The following GPC3 variants were observed in gnomAD, a reference collection of about 807,000 sequenced individuals.
GPC3 encodes the protein glypican-3.
Under a neutral mutation model 34.4 loss-of-function variants are expected in GPC3, and 3 were observed. That is an observed-to-expected ratio of 0.09 (90% confidence interval 0.04 to 0.23). GPC3 has a LOEUF of 0.23. Ranked by LOEUF, GPC3 falls within the 10% of genes least tolerant of loss-of-function variation. The probability of loss-of-function intolerance (pLI) is 1.00; values close to 1 mark genes in which losing one functional copy is unlikely to be tolerated. For missense variants in GPC3, 351 were observed against 445.6 expected (o/e 0.79, Z 1.91); for synonymous variants, 177 against 174.0 (o/e 1.02, Z -0.13).
intron 3 of GPC3, among the ~76,000 whole-genome samples, chrX:133,745,368 A>G (rs1478277491): frequency 8.9e-6 from 1 of 112,049 alleles, no homozygotes; most frequent in East Asian, 2.8e-4. Context: ...ACAATGCTTC[A>G]CCCTAGAAGT....
At chrX:133,807,557 G>A (rs1301761726) in intron 2 of GPC3, among the ~76,000 whole-genome samples, 1 of 111,739 alleles carries the variant, frequency 8.9e-6, no homozygotes. Context: ...TCTAGAGGGT[G>A]AGTTTGCCAA....
chrX:133,784,454 G>T (rs979583128), intron 2 of GPC3, among the ~76,000 whole-genome samples: 5 of 110,942 alleles, frequency 4.5e-5, no homozygotes, highest in African/African-American at 6.6e-5. Flanking sequence ...TGGAATCTAG[G>T]AGCCCATACT....
At chrX:133,802,853 A>G (rs1182077544) in intron 2 of GPC3, among the ~76,000 whole-genome samples, 1 of 109,984 alleles carries the variant, frequency 9.1e-6, no homozygotes, top group Non-Finnish European at 1.9e-5. Flanking sequence ...AGAGAGAATG[A>G]GAGAATGAGT....
At chrX:133,917,358 A>G (rs2051617320) in intron 2 of GPC3, among the ~76,000 whole-genome samples, 1 of 112,158 alleles carries the variant, frequency 8.9e-6, no homozygotes, top group Admixed American at 9.5e-5. Context: ...TCCTTGTATC[A>G]TATGTAAATT....
chrX:133,838,190 C>A (rs1484349869), intron 2 of GPC3, among the ~76,000 whole-genome samples: 2 of 112,639 alleles, frequency 1.8e-5, no homozygotes, highest in African/African-American at 3.2e-5. Flanking sequence ...AAAGTAACCC[C>A]ATTTTTCATT....
At chrX:133,624,318 C>T (rs2070271398) in intron 6 of GPC3, among the ~76,000 whole-genome samples, 1 of 111,531 alleles carries the variant, frequency 9.0e-6, no homozygotes, top group Non-Finnish European at 1.9e-5. Flanking sequence ...CAGAGCAGAA[C>T]TGAAGGAGAT....
intron 2 of GPC3, among the ~76,000 whole-genome samples, chrX:133,773,015 T>C (rs1046753493): frequency 2.7e-5 from 3 of 111,388 alleles, no homozygotes; most frequent in African/African-American, 9.8e-5. Flanking sequence ...TCACTGTTAC[T>C]GAAATTTCAC....
intron 2 of GPC3, among the ~76,000 whole-genome samples, chrX:133,795,486 T>C (rs766422549): frequency 9.0e-6 from 1 of 111,462 alleles, no homozygotes; most frequent in South Asian, 3.9e-4. Flanking sequence ...CAAGAGAAAA[T>C]TTCCAGCTTC....
chrX:133,857,215 C>T (rs1023452138), intron 2 of GPC3, among the ~76,000 whole-genome samples: 2 of 111,494 alleles, frequency 1.8e-5, no homozygotes, highest in African/African-American at 6.5e-5. Flanking sequence ...TTCTCTGGAT[C>T]CTTTTTCCTC....
intron 3 of GPC3, among the ~76,000 whole-genome samples, chrX:133,739,427 T>C (rs2071543029): frequency 8.9e-6 from 1 of 112,288 alleles, no homozygotes; most frequent in Non-Finnish European, 1.9e-5. Context: ...GTAGGCATTG[T>C]TGCAAAATTT....
At chrX:133,814,065 A>G (rs1168130640) in intron 2 of GPC3, among the ~76,000 whole-genome samples, 1 of 111,940 alleles carries the variant, frequency 8.9e-6, no homozygotes, top group East Asian at 2.8e-4. Context: ...GCAGGCTATT[A>G]GGGAAAATAG....
intron 2 of GPC3, among the ~76,000 whole-genome samples, chrX:133,797,501 T>C (rs1042584802): frequency 9.0e-6 from 1 of 110,942 alleles, no homozygotes; most frequent in African/African-American, 3.3e-5. Context: ...CCTTAAAGAC[T>C]AGGGGACAAG....
At chrX:133,560,700 C>T (rs148418989) in intron 7 of GPC3, among the ~76,000 whole-genome samples, 1,079 of 105,505 alleles carry the variant, frequency 0.01, 13 homozygotes, top group African/African-American at 0.035. Flanking sequence ...GATCATGCCA[C>T]TGCACTCCAA....
chrX:133,813,011 T>C (rs1230288133), intron 2 of GPC3, among the ~76,000 whole-genome samples: 1 of 112,784 alleles, frequency 8.9e-6, no homozygotes, highest in African/African-American at 3.2e-5. Context: ...AAAAGCCTCC[T>C]GAGAAGGGTT....
chrX:133,746,408 C>T (rs1321794670), intron 3 of GPC3, among the ~76,000 whole-genome samples: 4 of 112,451 alleles, frequency 3.6e-5, no homozygotes, highest in African/African-American at 1.3e-4. Flanking sequence ...CTTAATATGA[C>T]CTGTAATATA....
At chrX:133,869,686 A>G (rs932379471) in intron 2 of GPC3, among the ~76,000 whole-genome samples, 5 of 112,155 alleles carry the variant, frequency 4.5e-5, no homozygotes, top group East Asian at 5.6e-4. Context: ...GGTGGCTTAC[A>G]CCTGTAATCC....
At chrX:133,830,353 C>T (rs1010099828) in intron 2 of GPC3, among the ~76,000 whole-genome samples, 1 of 112,092 alleles carries the variant, frequency 8.9e-6, no homozygotes, top group African/African-American at 3.2e-5. Flanking sequence ...CAAACCTTTT[C>T]CAGAAATTAA....
rs185791583 is a variant in GPC3, at chrX:133,585,752, C to G, written c.1573+10688G>C. Among the ~76,000 whole-genome samples, 308 of 111,492 alleles carry G rather than the reference C, an allele frequency of 2.8e-3. 1 individual carries two copies. The highest frequency in any genetic ancestry group is 9.8e-3 in the African/African-American group (301 of 30,701). On this transcript the variant is annotated intron_variant, in intron 7 of 7. Transcript: ENST00000370818. ...CAGCTGAATGCTGAACCTCTCCATCCCTTTCCTTTCTACCAATACTTGGCT... is the reference window on the plus strand; with the variant it reads ...CAGCTGAATGCTGAACCTCTCCATCGCTTTCCTTTCTACCAATACTTGGCT...
At chrX:133,767,879 T>C (rs894789350) in intron 2 of GPC3, among the ~76,000 whole-genome samples, 1 of 106,346 alleles carries the variant, frequency 9.4e-6, no homozygotes, top group Non-Finnish European at 1.9e-5. Context: ...ATAAACATTA[T>C]AAAATGATTT....
Sources: allele counts gnomAD v4.1 joint callset (sites outside exome capture counted in the v4.1 genomes callset), GRCh38; gene constraint gnomAD v4.1.1; transcripts MANE v1.5; gene names NCBI Gene and HGNC (gene_info 2026-07-23, HGNC 2026-07-21).